Variants in CUL3 observed in about 807,000 individuals in gnomAD.
CUL3 encodes cullin 3, also known as cullin-3.
A neutral mutation model predicts 89.1 loss-of-function variants in CUL3; 19 were observed. The ratio of observed to expected loss-of-function variants is 0.21; its 90% confidence interval spans 0.15 to 0.31. CUL3 has a LOEUF of 0.31. CUL3 is among the 10% of genes least tolerant of loss of function. CUL3 has a pLI of 1.00. For missense variants in CUL3, 469 were observed against 942.3 expected (o/e 0.50, Z 6.58); for synonymous variants, 351 against 308.4 (o/e 1.14, Z -1.45).
In CUL3 at chr2:224,486,636, G is replaced by A. The variant is rs543993433; in HGVS notation, c.1843-4558C>T. 5.9e-5 allele frequency among the ~76,000 whole-genome samples: 9 copies of A among 152,248 alleles called. No individual in the cohort carries two copies. In the South Asian group the frequency reaches 6.2e-4, roughly 11 times the overall value. On this transcript the variant is annotated intron_variant, in intron 13 of 15. Coordinates refer to ENST00000264414, the MANE Select transcript of CUL3 (RefSeq NM_003590.5). Reference sequence around the variant, plus strand: ...GACTATGTGAAAAGACCAAACCTACGTTTGACTGGTGTACCTGAAAGTGAC... The same window carrying A: ...GACTATGTGAAAAGACCAAACCTACATTTGACTGGTGTACCTGAAAGTGAC...
At position 224,506,923 on chromosome 2, in the gene CUL3, T is replaced by A. The variant is rs2106206046; in HGVS notation, c.964A>T (p.Arg322Trp). Residue 322 changes from arginine (R) to tryptophan (W), a missense_variant, in exon 7 of 16, where the codon AGG becomes TGG. By Grantham distance (101) the Arg-to-Trp change is moderately radical (BLOSUM62 -3). Coordinates refer to ENST00000264414, the MANE Select transcript of CUL3 (RefSeq NM_003590.5). The stretch of plus-strand genomic sequence containing the variant: ...GAAACAAGAGCTTTACCTTGCTCCC[T>A]CAAATAGGAACTCATACACTCACAC... ...TMCECMSSYL[R>W]EQGKALVSEE... 1 of 1,613,632 alleles carries A rather than the reference T, an allele frequency of 6.2e-7. No individual in the cohort carries two copies. Among genetic ancestry groups the A allele is most frequent in the Non-Finnish European group, 8.5e-7 (1 of 1,179,736 alleles).
At chr2:224,499,735 A>G in intron 11 of CUL3, 1 of 212,072 alleles carries the variant, frequency 4.7e-6, no homozygotes. Flanking sequence ...CAGCTCACAG[A>G]CAATGTCTAA....
intron 15 of CUL3, among the ~76,000 whole-genome samples, chr2:224,476,066 C>A (rs1574606878): frequency 6.6e-6 from 1 of 151,798 alleles, no homozygotes; most frequent in Non-Finnish European, 1.5e-5. Flanking sequence ...CTCTGTCGCC[C>A]AGGGTGGAGT....
intron 1 of CUL3, among the ~76,000 whole-genome samples, chr2:224,558,861 T>TGAAACCCCGG (rs1553536023): frequency 5.2e-5 from 4 of 77,168 alleles, no homozygotes; most frequent in Non-Finnish European, 1.0e-4. Flanking sequence ...GCTAATACGG[T>TGAAACCCCGG]CTCTACTAAA....
At chr2:224,508,547 C>T (rs1692689605) in intron 6 of CUL3, among the ~76,000 whole-genome samples, 2 of 151,984 alleles carry the variant, frequency 1.3e-5, no homozygotes, top group South Asian at 4.1e-4. Flanking sequence ...TTTAGTTGTA[C>T]ATAAATTACT....
intron 3 of CUL3, among the ~76,000 whole-genome samples, chr2:224,534,974 C>A (rs542671020): frequency 6.6e-4 from 99 of 151,088 alleles, no homozygotes; most frequent in African/African-American, 2.4e-3. Flanking sequence ...GCACTCCAGC[C>A]TGGGGAACAG....
rs765840402 is a variant in CUL3, at chr2:224,514,620, G to A, written c.531C>T (p.Val177=). Residue 177 remains valine (V), a synonymous_variant, in exon 4 of 16, where the codon GTC becomes GTT. Transcript: ENST00000264414. ...DMIARERKGE[V]VDRGAIRNAC... ...AAAGAGAGAAATTTTACCTGTCTAC[G>A]ACTTCTCCTTTCCGCTCTCTTGCAA... 16 of 1,610,452 alleles carry A rather than the reference G, an allele frequency of 9.9e-6. No individual in the cohort carries two copies. Among genetic ancestry groups the A allele is most frequent in the South Asian group, 4.4e-5 (4 of 90,522 alleles).
chr2:224,570,701 T>C (rs947035103), intron 1 of CUL3, among the ~76,000 whole-genome samples: 1 of 152,160 alleles, frequency 6.6e-6, no homozygotes, highest in African/African-American at 2.4e-5. Context: ...GACAATTCCA[T>C]GAAATCACAA....
intron 1 of CUL3, among the ~76,000 whole-genome samples, chr2:224,577,043 C>G (rs1695318085): frequency 6.6e-6 from 1 of 152,140 alleles, no homozygotes; most frequent in Admixed American, 6.5e-5. Flanking sequence ...ATGACAGGAT[C>G]GCTAAAATAA....
intron 1 of CUL3, among the ~76,000 whole-genome samples, chr2:224,568,833 G>A (rs1695110627): frequency 1.3e-5 from 2 of 152,156 alleles, no homozygotes; most frequent in South Asian, 2.1e-4. Context: ...GGCTTCAAGT[G>A]CAGATTAATA....
intron 3 of CUL3, among the ~76,000 whole-genome samples, chr2:224,525,651 A>T (rs1022359691): frequency 3.3e-5 from 5 of 152,232 alleles, no homozygotes; most frequent in African/African-American, 1.2e-4. Flanking sequence ...AAACATACAT[A>T]AAGTGCTTAA....
intron 1 of CUL3, among the ~76,000 whole-genome samples, chr2:224,582,370 GAAGGTCTAT>G (rs1204978275): frequency 6.6e-6 from 1 of 152,280 alleles, no homozygotes; most frequent in Non-Finnish European, 1.5e-5. Flanking sequence ...CAGGAATTTT[GAAGGTCTAT>G]AAGCACACGG....
At chr2:224,563,027 C>A in intron 1 of CUL3, 1 of 344,000 alleles carries the variant, frequency 2.9e-6, no homozygotes, top group South Asian at 2.3e-5. Context: ...ACAGTATAAT[C>A]CCTCATGCAT....
At position 224,559,003 on chromosome 2, in the gene CUL3, C is replaced by T. The variant is rs559846161; in HGVS notation, c.67-1147G>A. On this transcript the variant is annotated intron_variant, in intron 1 of 15. Coordinates refer to ENST00000264414, the MANE Select transcript of CUL3 (RefSeq NM_003590.5). ...CCCGGGAGGCAGAGCTTGCAGTGAG[C>T]CAAGATCCCGCCACTGCACTCCAGC... 8.6e-5 allele frequency among the ~76,000 whole-genome samples: 13 copies of T among 151,952 alleles called. 1 individual carries two copies. The South Asian group carries it at 2.7e-3, about 32-fold the overall frequency.
intron 1 of CUL3, among the ~76,000 whole-genome samples, chr2:224,574,538 T>C (rs1314311976): frequency 6.6e-6 from 1 of 152,182 alleles, no homozygotes; most frequent in Non-Finnish European, 1.5e-5. Context: ...CAGAACCCCA[T>C]ATACAAATGG....
chr2:224,500,298 C>A, intron 11 of CUL3, 65 bp downstream of exon 11: 1 of 1,562,862 alleles, frequency 6.4e-7, no homozygotes. Context: ...TACTAATGTT[C>A]AAATTCATTT....
intron 14 of CUL3, chr2:224,479,407 T>C (rs1691446809): frequency 6.6e-6 from 1 of 151,790 alleles, no homozygotes; most frequent in Non-Finnish European, 1.5e-5. Context: ...ATGCTTATGA[T>C]GCTTTTCCTC....
chr2:224,560,488 G>A (rs908583389), intron 1 of CUL3: 1 of 152,940 alleles, frequency 6.5e-6, no homozygotes, highest in South Asian at 2.1e-4. Context: ...GGTTTCCCCT[G>A]AAGTCTTTTC....
intron 3 of CUL3, among the ~76,000 whole-genome samples, chr2:224,529,924 C>T (rs953061575): frequency 6.6e-6 from 1 of 152,168 alleles, no homozygotes; most frequent in Non-Finnish European, 1.5e-5. Flanking sequence ...ATTTTAGACA[C>T]AGACACCTCC....
Sources: allele counts gnomAD v4.1 joint callset (sites outside exome capture counted in the v4.1 genomes callset), GRCh38; gene constraint gnomAD v4.1.1; transcripts MANE v1.5; gene names NCBI Gene and HGNC (gene_info 2026-07-23, HGNC 2026-07-21).